The following PCMTD1 variants were observed in gnomAD, a reference collection of about 807,000 sequenced individuals.
PCMTD1 encodes protein-L-isoaspartate (D-aspartate) O-methyltransferase domain containing 1.
PCMTD1 carries 12 observed loss-of-function variants against 37.6 expected under a neutral mutation model. The observed-to-expected ratio is 0.32, with a 90% CI of 0.20 to 0.52. PCMTD1 has a LOEUF of 0.52. PCMTD1 is among the 20% of genes least tolerant of loss of function. The pLI is 0.97. For synonymous variants in PCMTD1, 117 were observed against 135.8 expected, an observed-to-expected ratio of 0.86 and a Z score of 0.96; for missense variants, 235 against 421.3, an observed-to-expected ratio of 0.56 and a Z score of 3.87.
At chr8:51,877,964 T>C (rs1038374262) in intron 1 of PCMTD1, among the ~76,000 whole-genome samples, 2 of 152,142 alleles carry the variant, frequency 1.3e-5, no homozygotes. Flanking sequence ...CAGAAAACTC[T>C]GTGTGTGTGT....
At chr8:51,882,766 A>C (rs993611878) in intron 1 of PCMTD1, among the ~76,000 whole-genome samples, 1 of 150,098 alleles carries the variant, frequency 6.7e-6, no homozygotes, top group Non-Finnish European at 1.5e-5. Context: ...ATTTCATTGG[A>C]GAGAAAACGC....
intron 3 of PCMTD1, among the ~76,000 whole-genome samples, chr8:51,835,046 C>T (rs1376060336): frequency 2.0e-4 from 31 of 152,168 alleles, no homozygotes; most frequent in Admixed American, 2.0e-3. Flanking sequence ...AGGAGTGCTA[C>T]GGGGGAATCT....
In PCMTD1 at chr8:51,817,957, C is replaced by G. The variant is rs528293713; in HGVS notation, c.*2394G>C. The G allele has an allele frequency of 6.6e-6, 3 of 456,642 alleles. No homozygotes were observed. The Admixed American group carries it at 7.0e-5, about 11-fold the overall frequency. The allele number at this position is 456,642 out of a possible 1,614,324, so 28.3% of individuals were successfully genotyped here. On this transcript the variant is annotated 3_prime_UTR_variant, in exon 6 of 6. Transcript: ENST00000522514. ...AAATAAACACCCAAATTAGATGATA[C>G]TTACTGTTTTAACTAGCTATAAAAT...
chr8:51,834,511 C>A (rs1361701706), intron 3 of PCMTD1, among the ~76,000 whole-genome samples: 1 of 152,104 alleles, frequency 6.6e-6, no homozygotes, highest in South Asian at 2.1e-4. Flanking sequence ...AACCCCAATG[C>A]ACTAATAAGA....
At chr8:51,887,891 G>C (rs760082722) in intron 1 of PCMTD1, among the ~76,000 whole-genome samples, 212 of 151,958 alleles carry the variant, frequency 1.4e-3, no homozygotes, top group Non-Finnish European at 2.6e-3. Flanking sequence ...ACAGGCACGT[G>C]CCAACCACAC....
At chr8:51,820,863 AG>A (rs1205891139) in intron 5 of PCMTD1, 145 bp from the exon 6 acceptor site, 5 of 987,534 alleles carry the variant, frequency 5.1e-6, no homozygotes, top group Admixed American at 3.1e-5. Context: ...CATCTAACAA[AG>A]GTTTTGGAGT....
chr8:51,856,139 T>A (rs887914336), intron 2 of PCMTD1, among the ~76,000 whole-genome samples: 1 of 152,140 alleles, frequency 6.6e-6, no homozygotes, highest in Non-Finnish European at 1.5e-5. Flanking sequence ...TAAAGACTTA[T>A]ATCCAAAATA....
At chr8:51,835,380 T>G (rs999897272) in intron 3 of PCMTD1, among the ~76,000 whole-genome samples, 4 of 152,210 alleles carry the variant, frequency 2.6e-5, no homozygotes, top group Admixed American at 2.6e-4. Flanking sequence ...TGAATTTACC[T>G]AGGTTAGAGA....
intron 5 of PCMTD1, among the ~76,000 whole-genome samples, chr8:51,829,843 A>C (rs1055968729): frequency 1.3e-5 from 2 of 152,198 alleles, no homozygotes; most frequent in African/African-American, 4.8e-5. Flanking sequence ...CATGCAGCTC[A>C]AAAGAGAGTA....
chr8:51,890,585 A>AT (rs948514350), intron 1 of PCMTD1, among the ~76,000 whole-genome samples: 4 of 152,208 alleles, frequency 2.6e-5, no homozygotes, highest in Non-Finnish European at 5.9e-5. Context: ...AAGGCCCAGT[A>AT]TTTTAAATAT....
At chr8:51,880,925 T>C (rs2038781927) in intron 1 of PCMTD1, among the ~76,000 whole-genome samples, 1 of 152,244 alleles carries the variant, frequency 6.6e-6, no homozygotes, top group Non-Finnish European at 1.5e-5. Flanking sequence ...AATTGGAATG[T>C]CATATCATTT....
intron 3 of PCMTD1, among the ~76,000 whole-genome samples, chr8:51,840,645 T>A (rs2038134917): frequency 6.6e-6 from 1 of 152,102 alleles, no homozygotes; most frequent in African/African-American, 2.4e-5. Context: ...GATGACAGAA[T>A]ATAGAAGCAT....
chr8:51,827,314 G>T (rs1290711772), intron 5 of PCMTD1: 33 of 1,240,368 alleles, frequency 2.7e-5, no homozygotes, highest in Non-Finnish European at 3.5e-5. Flanking sequence ...CTCCCTTTAT[G>T]CACAGTTTCA....
intron 1 of PCMTD1, among the ~76,000 whole-genome samples, chr8:51,891,787 T>C (rs1343932675): frequency 1.3e-5 from 2 of 151,608 alleles, no homozygotes; most frequent in African/African-American, 2.4e-5. Context: ...TAGTACAGTT[T>C]ACACAATTAA....
chr8:51,827,556 C>T (rs903495994), intron 5 of PCMTD1, among the ~76,000 whole-genome samples: 8 of 152,122 alleles, frequency 5.3e-5, no homozygotes, highest in Non-Finnish European at 8.8e-5. Context: ...CAGATAAAAA[C>T]ACATAATATA....
intron 1 of PCMTD1, among the ~76,000 whole-genome samples, chr8:51,884,675 G>A (rs1309006374): frequency 6.6e-6 from 1 of 152,186 alleles, no homozygotes; most frequent in East Asian, 1.9e-4. Context: ...CCCAGCACGA[G>A]GATGCTGCAG....
At chr8:51,837,714 T>A (rs2038087814) in intron 3 of PCMTD1, among the ~76,000 whole-genome samples, 1 of 152,226 alleles carries the variant, frequency 6.6e-6, no homozygotes, top group East Asian at 1.9e-4. Flanking sequence ...TTTTTCTGAC[T>A]GGGCACACTG....
At chr8:51,827,376 T>C (rs2037935884) in intron 5 of PCMTD1, 3 of 787,398 alleles carry the variant, frequency 3.8e-6, no homozygotes, top group South Asian at 1.4e-5. Flanking sequence ...AAATATTAAA[T>C]GGAAAAATTG....
intron 2 of PCMTD1, chr8:51,849,374 G>T (rs1199204273): frequency 6.6e-6 from 1 of 152,076 alleles, no homozygotes; most frequent in Non-Finnish European, 1.5e-5. Flanking sequence ...GCCAACTGAG[G>T]CATGAATTTG....
Sources: gnomAD v4.1 joint callset for allele counts (sites outside exome capture counted in the v4.1 genomes callset) on GRCh38, gnomAD v4.1.1 for gene constraint, MANE v1.5 for transcripts, NCBI Gene and HGNC (gene_info 2026-07-23, HGNC 2026-07-21) for gene names.